IMMP1L: variants seen among roughly 807,000 people sequenced by gnomAD.
The protein encoded by IMMP1L is inner mitochondrial membrane peptidase subunit 1, also known as mitochondrial inner membrane protease subunit 1.
IMMP1L carries 24 observed loss-of-function variants against 21.8 expected under a neutral mutation model. The ratio of observed to expected loss-of-function variants is 1.10; its 90% CI spans 0.80 to 1.55. IMMP1L has a LOEUF of 1.55. Ranked by LOEUF, IMMP1L falls within the 40% of genes most tolerant of loss-of-function variation. The pLI is 0.00. For missense variants in IMMP1L, 195 were observed against 200.7 expected, an observed-to-expected ratio of 0.97 and a Z score of 0.17; for synonymous variants, 46 against 62.8, an observed-to-expected ratio of 0.73 and a Z score of 1.26.
chr11:31,475,978 TTC>T (rs754710009), intron 1 of IMMP1L, among the ~76,000 whole-genome samples: 1 of 152,260 alleles, frequency 6.6e-6, no homozygotes, highest in Non-Finnish European at 1.5e-5. Context: ...TCCAGACAAA[TTC>T]TGTTTTGAAT....
chr11:31,508,086 C>T (rs1470389916), intron 1 of IMMP1L, among the ~76,000 whole-genome samples: 1 of 152,076 alleles, frequency 6.6e-6, no homozygotes, highest in African/African-American at 2.4e-5. Context: ...GTGGGTTGAT[C>T]TGTGCAGCAA....
At chr11:31,502,035 T>A (rs1206954370) in intron 1 of IMMP1L, among the ~76,000 whole-genome samples, 3 of 151,388 alleles carry the variant, frequency 2.0e-5, no homozygotes, top group Admixed American at 2.0e-4. Flanking sequence ...AAAGACCTTG[T>A]TGTATGAAAA....
At chr11:31,456,078 A>T (rs1953926457) in intron 4 of IMMP1L, among the ~76,000 whole-genome samples, 182 bp downstream of exon 4, 1 of 152,218 alleles carries the variant, frequency 6.6e-6, no homozygotes, top group Non-Finnish European at 1.5e-5. Flanking sequence ...CAGGGTTTTA[A>T]AAGTAACTAA....
intron 1 of IMMP1L, among the ~76,000 whole-genome samples, chr11:31,484,439 GA>G (rs200958778): frequency 1.3e-5 from 2 of 150,940 alleles, no homozygotes; most frequent in African/African-American, 2.4e-5. Context: ...TGTTCATATA[GA>G]AAAAAAAATC....
chr11:31,454,449 CAAAAAAAAAAA>C (rs71463320), intron 4 of IMMP1L, among the ~76,000 whole-genome samples: 11 of 30,402 alleles, frequency 3.6e-4, no homozygotes, highest in Admixed American at 2.6e-3. Context: ...AAGACCATGT[CAAAAAAAAAAA>C]AAAAAAAAAA....
chr11:31,479,510 T>C (rs1954822248), intron 1 of IMMP1L, among the ~76,000 whole-genome samples: 1 of 152,070 alleles, frequency 6.6e-6, no homozygotes, highest in African/African-American at 2.4e-5. Flanking sequence ...ATTTTTGTTA[T>C]GATATTTTGT....
intron 1 of IMMP1L, among the ~76,000 whole-genome samples, chr11:31,468,141 T>C (rs543119179): frequency 7.2e-4 from 109 of 152,112 alleles, no homozygotes; most frequent in Non-Finnish European, 1.2e-3. Flanking sequence ...AATTGGATCC[T>C]GGAGCAAAAG....
chr11:31,486,192 G>A (rs182215858), intron 1 of IMMP1L, among the ~76,000 whole-genome samples: 101 of 151,856 alleles, frequency 6.7e-4, no homozygotes, highest in Non-Finnish European at 4.4e-5. Flanking sequence ...TAAATGACTG[G>A]AACACTCAAG....
At chr11:31,506,857 G>C (rs1293241539) in intron 1 of IMMP1L, among the ~76,000 whole-genome samples, 1 of 151,934 alleles carries the variant, frequency 6.6e-6, no homozygotes, top group African/African-American at 2.4e-5. Flanking sequence ...CTACTCAGGA[G>C]GCTGAGGCAG....
At chr11:31,447,596 C>T (rs1323418718) in intron 4 of IMMP1L, among the ~76,000 whole-genome samples, 1 of 152,136 alleles carries the variant, frequency 6.6e-6, no homozygotes, top group Non-Finnish European at 1.5e-5. Flanking sequence ...CTTGTTAGCT[C>T]TGCATTTGTG....
chr11:31,462,859 T>C (rs1454221752), intron 2 of IMMP1L, among the ~76,000 whole-genome samples: 1 of 152,166 alleles, frequency 6.6e-6, no homozygotes, highest in Non-Finnish European at 1.5e-5. Flanking sequence ...ACATCAAACA[T>C]ATCCTGAAAC....
chr11:31,447,733 A>T (rs1274779917), intron 4 of IMMP1L, among the ~76,000 whole-genome samples: 1 of 152,206 alleles, frequency 6.6e-6, no homozygotes, highest in South Asian at 2.1e-4. Flanking sequence ...AATAACTTGT[A>T]ATGCCAATAT....
intron 4 of IMMP1L, chr11:31,452,417 T>C (rs929745910): frequency 1.2e-5 from 12 of 985,304 alleles, no homozygotes; most frequent in Middle Eastern, 5.2e-4. Flanking sequence ...GGGAATTAAA[T>C]AGAGGTTTAC....
At chr11:31,439,492 TTA>T (rs1491339337) in intron 4 of IMMP1L, among the ~76,000 whole-genome samples, 1 of 152,208 alleles carries the variant, frequency 6.6e-6, no homozygotes, top group East Asian at 1.9e-4. Flanking sequence ...AATTGGTGTT[TTA>T]GAGTGCTTCT....
At chr11:31,479,216 A>G (rs1452023164) in intron 1 of IMMP1L, among the ~76,000 whole-genome samples, 1 of 152,080 alleles carries the variant, frequency 6.6e-6, no homozygotes, top group Non-Finnish European at 1.5e-5. Flanking sequence ...GGCTTACTTG[A>G]CAAGTTTGAT....
chr11:31,451,513 G>A (rs796641296), intron 4 of IMMP1L, among the ~76,000 whole-genome samples: 27 of 152,218 alleles, frequency 1.8e-4, no homozygotes, highest in African/African-American at 6.5e-4. Context: ...AAAGAGGAGA[G>A]TAAGGATAAC....
chr11:31,483,511 T>C (rs1041597565), intron 1 of IMMP1L, among the ~76,000 whole-genome samples: 1 of 152,042 alleles, frequency 6.6e-6, no homozygotes, highest in Non-Finnish European at 1.5e-5. Context: ...AAGACATTTA[T>C]AACATTCACC....
chr11:31,443,247 AGTTT>A (rs1471705666), intron 4 of IMMP1L, among the ~76,000 whole-genome samples: 1 of 152,184 alleles, frequency 6.6e-6, no homozygotes, highest in South Asian at 2.1e-4. Flanking sequence ...CATAAAACCC[AGTTT>A]GTTTGAGTCA....
intron 1 of IMMP1L, among the ~76,000 whole-genome samples, chr11:31,495,123 C>T (rs2133805213): frequency 6.6e-6 from 1 of 152,324 alleles, no homozygotes; most frequent in South Asian, 2.1e-4. Flanking sequence ...TGCTCCAGTT[C>T]CTAGTAAGTT....
Sources: allele counts gnomAD v4.1 joint callset (sites outside exome capture counted in the v4.1 genomes callset), GRCh38; gene constraint gnomAD v4.1.1; transcripts MANE v1.5; gene names NCBI Gene and HGNC (gene_info 2026-07-23, HGNC 2026-07-21).